SMARCA2: variants seen among roughly 807,000 people sequenced by gnomAD.
SMARCA2 encodes the protein SWI/SNF related BAF chromatin remodeling complex subunit ATPase 2, also known as SWI/SNF-related matrix-associated actin-dependent regulator of chromatin subfamily A member 2.
A neutral mutation model predicts 199.8 loss-of-function variants in SMARCA2; 61 were observed. That is an observed-to-expected ratio of 0.31 (90% confidence interval 0.25 to 0.38). The LOEUF is 0.38. Ranked by LOEUF, SMARCA2 falls within the 10% of genes least tolerant of loss-of-function variation. SMARCA2 has a pLI of 1.00. For missense variants in SMARCA2, 1,344 were observed against 2,012.2 expected (o/e 0.67, Z 6.35); for synonymous variants, 935 against 732.0 (o/e 1.28, Z -4.48).
At chr9:2,130,054 C>A (rs1348432024) in intron 27 of SMARCA2, among the ~76,000 whole-genome samples, 1 of 152,004 alleles carries the variant, frequency 6.6e-6, no homozygotes, top group Admixed American at 6.5e-5. Flanking sequence ...GGGTTTTGCC[C>A]CATTTGCCAG....
At chr9:2,111,794 C>T (rs1823017468) in intron 24 of SMARCA2, among the ~76,000 whole-genome samples, 1 of 152,186 alleles carries the variant, frequency 6.6e-6, no homozygotes, top group Non-Finnish European at 1.5e-5. Context: ...TTCCTTTGAG[C>T]GCTCCCAGGA....
At chr9:2,181,982 C>A (rs1299351911) in intron 30 of SMARCA2, among the ~76,000 whole-genome samples, 159 bp from the exon 31 acceptor site, 1 of 152,174 alleles carries the variant, frequency 6.6e-6, no homozygotes, top group South Asian at 2.1e-4. Flanking sequence ...GGAGGGTGGA[C>A]TTGGTGAATG....
At chr9:2,047,156 G>T in intron 4 of SMARCA2, 73 bp from the exon 5 acceptor site, 2 of 1,007,060 alleles carry the variant, frequency 2.0e-6, no homozygotes, top group Non-Finnish European at 2.4e-6. Flanking sequence ...GCCCCGGGGG[G>T]CGGCGGGCAG....
intron 3 of SMARCA2, among the ~76,000 whole-genome samples, chr9:2,036,024 G>C (rs1360754052): frequency 2.0e-5 from 3 of 152,166 alleles, no homozygotes; most frequent in Non-Finnish European, 1.5e-5. Context: ...TAACTACCTA[G>C]CAACCTATTA....
Position 2,104,762 on chromosome 9 carries a change from A to G in SMARCA2, c.3292+593A>G, listed in dbSNP as rs952418061. ...TACCGTGTCCTAAAAATTAGTAAGA[A>G]AAAATATTAATGGAAGCAAATATGA... On this transcript the variant is annotated intron_variant, in intron 23 of 33. Transcript: ENST00000349721. The surrounding 1 kb of genome is among the most constrained non-coding windows in gnomAD (Gnocchi z 4.0). 2.0e-5 allele frequency among the ~76,000 whole-genome samples: 3 copies of G among 152,222 alleles called. No homozygotes were observed. Among genetic ancestry groups the G allele is most frequent in the African/African-American group, 7.2e-5 (3 of 41,450 alleles).
At chr9:2,022,881 G>C (rs187270486) in intron 1 of SMARCA2, among the ~76,000 whole-genome samples, 2 of 152,278 alleles carry the variant, frequency 1.3e-5, no homozygotes, top group Non-Finnish European at 2.9e-5. Flanking sequence ...GTTTTGACCA[G>C]TTTGCCCAGC....
chr9:2,039,814 AG>A lies in SMARCA2; in HGVS notation c.705del (p.Gln235HisfsTer35). 6.2e-7 allele frequency: 1 copy of A among 1,608,056 alleles called. No homozygotes were observed. Among genetic ancestry groups the A allele is most frequent in the South Asian group, 1.1e-5 (1 of 90,402 alleles). On this transcript the variant is annotated frameshift_variant, in exon 4 of 34. Coordinates refer to ENST00000349721, the MANE Select transcript of SMARCA2 (RefSeq NM_003070.5). LOFTEE classifies it high-confidence loss of function. This position sits in a 1 kb window ranked among gnomAD's most constrained non-coding sequence, Gnocchi z 4.8. ...CAGCAGCAGCAGCAGCAGCAGCAGC[AG>A]CAACAGCAGCCGCAGCAGCAGCCGC... is the stretch of plus-strand genomic sequence containing the variant. ...QQQQQQQQQQ[Q>X]QQQPQQQPPQ...
At chr9:2,172,764 G>T (rs192428163) in intron 29 of SMARCA2, among the ~76,000 whole-genome samples, 1 of 152,116 alleles carries the variant, frequency 6.6e-6, no homozygotes, top group East Asian at 1.9e-4. Flanking sequence ...GAGCGTGCAG[G>T]GACCAGTGTG....
At chr9:2,076,126 A>G (rs1382502568) in intron 12 of SMARCA2, 103 bp from the exon 13 acceptor site, 2 of 686,740 alleles carry the variant, frequency 2.9e-6, no homozygotes, top group African/African-American at 1.8e-5. Flanking sequence ...ATCTTACTTC[A>G]TTTGTGAAGT....
chr9:2,073,407 A>G (rs1182463695), intron 11 of SMARCA2, 65 bp downstream of exon 11: 2 of 1,594,666 alleles, frequency 1.3e-6, no homozygotes, highest in Non-Finnish European at 8.6e-7. Flanking sequence ...ATCTTGTACG[A>G]TCTCGAAACT....
At chr9:2,073,745 G>T in intron 12 of SMARCA2, 122 bp downstream of exon 12, 1 of 710,786 alleles carries the variant, frequency 1.4e-6, no homozygotes, top group South Asian at 1.7e-5. Flanking sequence ...ATTGGCCTTT[G>T]GGTGACAGCT....
At chr9:2,091,088 A>T (rs1023048214) in intron 19 of SMARCA2, among the ~76,000 whole-genome samples, 7 of 152,148 alleles carry the variant, frequency 4.6e-5, no homozygotes, top group African/African-American at 1.7e-4. Flanking sequence ...AGAGGCTTTT[A>T]CTTTTATTTT....
intron 19 of SMARCA2, among the ~76,000 whole-genome samples, chr9:2,094,864 G>A (rs1010601303): frequency 6.6e-6 from 1 of 152,126 alleles, no homozygotes; most frequent in African/African-American, 2.4e-5. Context: ...ACTTGTTAAA[G>A]TCTAAAGTTG....
intron 27 of SMARCA2, among the ~76,000 whole-genome samples, chr9:2,144,790 C>CA (rs1473800115): frequency 6.6e-6 from 1 of 151,722 alleles, no homozygotes; most frequent in Non-Finnish European, 1.5e-5. Context: ...TTAAGAGACT[C>CA]ACCTGTTGCT....
chr9:2,033,084 T>A lies in SMARCA2; in HGVS notation c.355+3T>A, dbSNP rs368021380. On this transcript the variant is annotated splice_donor_region_variant and intron_variant, in intron 3 of 33. Transcript: ENST00000349721. ...TCCAATGGATCAACACAGCCAAGGT[T>A]TGTGTCCGCTGCACACCTGATACTG... 6.2e-7 allele frequency: 1 copy of A among 1,613,880 alleles called. No homozygotes were observed. Among genetic ancestry groups the A allele is most frequent in the East Asian group, 2.2e-5 (1 of 44,874 alleles).
At chr9:2,065,116 C>T (rs1312865598) in intron 9 of SMARCA2, among the ~76,000 whole-genome samples, 2 of 152,128 alleles carry the variant, frequency 1.3e-5, no homozygotes, top group East Asian at 3.9e-4. Context: ...ACCCAGGAGG[C>T]AGAGGTTGCA....
intron 31 of SMARCA2, among the ~76,000 whole-genome samples, chr9:2,184,008 T>C (rs1827245066): frequency 6.6e-6 from 1 of 152,204 alleles, no homozygotes; most frequent in African/African-American, 2.4e-5. Context: ...CCCCAGGCCA[T>C]CTGGACACTA....
In SMARCA2 at chr9:2,170,335, G is replaced by A. The variant is rs1037014618; in HGVS notation, c.4200-84G>A. 21 of 1,579,740 alleles carry A rather than the reference G, an allele frequency of 1.3e-5. No homozygotes were observed. In the African/African-American group the frequency reaches 2.4e-4, roughly 18 times the overall value. On this transcript the variant is annotated intron_variant, in intron 28 of 33. Coordinates refer to ENST00000349721, the MANE Select transcript of SMARCA2 (RefSeq NM_003070.5). This position sits in a 1 kb window ranked among gnomAD's most constrained non-coding sequence, Gnocchi z 4.7. ...TGGTGAGGAGACTGAGGCTTGGCCAGGTCACCCAGCCTAGGAAGAAGGAGC... is the reference window on the plus strand; with the variant it reads ...TGGTGAGGAGACTGAGGCTTGGCCAAGTCACCCAGCCTAGGAAGAAGGAGC...
rs1247671034 is a variant in SMARCA2 at position 2,077,793 on chromosome 9, C to T, written c.2184+17C>T. On this transcript the variant is annotated intron_variant, in intron 14 of 33. Coordinates refer to ENST00000349721, the MANE Select transcript of SMARCA2 (RefSeq NM_003070.5). ...CATTACCAGGTAATTGGCATGGTTT[C>T]AGTTTCCTTGGCAAGTTGTAACCAT... The T allele has an allele frequency of 2.5e-6, 4 of 1,593,030 alleles. No homozygotes were observed. Among genetic ancestry groups the T allele is most frequent in the African/African-American group, 1.3e-5 (1 of 74,574 alleles).
Sources: allele counts gnomAD v4.1 joint callset (sites outside exome capture counted in the v4.1 genomes callset), GRCh38; gene constraint gnomAD v4.1.1; non-coding constraint Gnocchi (gnomAD v3.1); transcripts MANE v1.5; gene names NCBI Gene and HGNC (gene_info 2026-07-23, HGNC 2026-07-21).